GABRG3: variants seen among roughly 807,000 people sequenced by gnomAD.
GABRG3 encodes gamma-aminobutyric acid type A receptor subunit gamma3, also known as gamma-aminobutyric acid receptor subunit gamma-3.
GABRG3 carries 25 observed loss-of-function variants against 48.8 expected under a neutral mutation model. That is an observed-to-expected ratio of 0.51 (90% CI 0.37 to 0.72). The LOEUF is 0.72. GABRG3 is among the 30% of genes least tolerant of loss of function. The pLI is 0.00. For synonymous variants in GABRG3, 227 were observed against 217.6 expected (o/e 1.04, Z -0.38); for missense variants, 394 against 577.9 (o/e 0.68, Z 3.26).
intron 5 of GABRG3, among the ~76,000 whole-genome samples, chr15:27,388,302 AG>A (rs1896082246): frequency 2.7e-5 from 1 of 37,422 alleles, no homozygotes; most frequent in Non-Finnish European, 4.9e-5. Flanking sequence ...AAAAGAAGGA[AG>A]GAAAGGGAGG....
At position 27,482,498 on chromosome 15, in the gene GABRG3, G is replaced by C. The variant is rs564124282; in HGVS notation, c.712+1711G>C. Among the ~76,000 whole-genome samples the C allele has an allele frequency of 3.9e-5, 6 of 152,252 alleles. No individual in the cohort carries two copies. The South Asian group carries it at 1.2e-3, about 32-fold the overall frequency. ...TGATTGACATTTTCACAATGTGGAG[G>C]ATCACTCATGGGACTGTGTTGGCAT... On this transcript the variant is annotated intron_variant, in intron 6 of 9. Transcript: ENST00000615808.
At chr15:27,530,729 G>C in intron 9 of GABRG3, 1 of 470,956 alleles carries the variant, frequency 2.1e-6, no homozygotes, top group Non-Finnish European at 4.4e-6. Context: ...ATCTTCCTGT[G>C]TGGCTGCCTT....
chr15:27,520,444 G>A (rs960177179), intron 7 of GABRG3, among the ~76,000 whole-genome samples: 11 of 151,406 alleles, frequency 7.3e-5, no homozygotes, highest in Non-Finnish European at 1.3e-4. Flanking sequence ...GTCCCCATAC[G>A]TTAATGTCAG....
chr15:26,998,233 G>A (rs994623845), intron 2 of GABRG3, among the ~76,000 whole-genome samples: 23 of 152,054 alleles, frequency 1.5e-4, no homozygotes, highest in African/African-American at 3.4e-4. Flanking sequence ...ATCTAAGAGC[G>A]GCTTCTTGAT....
At chr15:27,376,281 G>A (rs1284990053) in intron 5 of GABRG3, among the ~76,000 whole-genome samples, 1 of 152,226 alleles carries the variant, frequency 6.6e-6, no homozygotes, top group East Asian at 1.9e-4. Context: ...TGCCTTCACA[G>A]GCTGGCATTG....
intron 3 of GABRG3, among the ~76,000 whole-genome samples, chr15:27,257,431 A>C (rs1325058802): frequency 6.6e-6 from 1 of 151,930 alleles, no homozygotes; most frequent in Non-Finnish European, 1.5e-5. Flanking sequence ...TTTTGGGATC[A>C]TTTTCAAAAA....
intron 3 of GABRG3, among the ~76,000 whole-genome samples, chr15:27,046,451 C>A (rs1896367391): frequency 6.6e-6 from 1 of 152,220 alleles, no homozygotes; most frequent in Admixed American, 6.5e-5. Context: ...TGTCCCCTGG[C>A]TCACTCCTGT....
chr15:27,439,850 G>T (rs568034102), intron 5 of GABRG3, among the ~76,000 whole-genome samples: 1 of 152,298 alleles, frequency 6.6e-6, no homozygotes, highest in East Asian at 1.9e-4. Context: ...GTCATTTAGG[G>T]GTAGACGGCA....
intron 3 of GABRG3, among the ~76,000 whole-genome samples, chr15:27,150,071 A>G (rs954716040): frequency 2.2e-4 from 34 of 152,212 alleles, no homozygotes; most frequent in South Asian, 2.1e-4. Flanking sequence ...AACTCAATTA[A>G]CTACCCCTTA....
At chr15:26,992,607 A>T (rs1895269212) in intron 2 of GABRG3, among the ~76,000 whole-genome samples, 1 of 152,048 alleles carries the variant, frequency 6.6e-6, no homozygotes, top group South Asian at 2.1e-4. Flanking sequence ...TTCATTGTTG[A>T]ATTCTGTTTG....
At chr15:27,161,190 C>G (rs1251058143) in intron 3 of GABRG3, 2 of 152,126 alleles carry the variant, frequency 1.3e-5, no homozygotes, top group African/African-American at 4.8e-5. Flanking sequence ...CAGAGTTTCC[C>G]CTGTCAAAAC....
At chr15:27,107,245 T>G (rs1312459018) in intron 3 of GABRG3, among the ~76,000 whole-genome samples, 2 of 152,054 alleles carry the variant, frequency 1.3e-5, no homozygotes, top group Non-Finnish European at 2.9e-5. Flanking sequence ...TATTTCTGGT[T>G]CCTTAAGGTG....
intron 5 of GABRG3, among the ~76,000 whole-genome samples, chr15:27,399,929 G>T (rs1281537886): frequency 6.6e-6 from 1 of 152,160 alleles, no homozygotes; most frequent in African/African-American, 2.4e-5. Flanking sequence ...TTGCTTGCTG[G>T]TGAAATATAA....
At chr15:27,307,729 A>G (rs1314618521) in intron 3 of GABRG3, among the ~76,000 whole-genome samples, 1 of 130,398 alleles carries the variant, frequency 7.7e-6, no homozygotes, top group Non-Finnish European at 1.6e-5. Context: ...TTATATATAA[A>G]TATATAATCA....
At chr15:27,044,822 C>A (rs951506081) in intron 3 of GABRG3, among the ~76,000 whole-genome samples, 1 of 152,176 alleles carries the variant, frequency 6.6e-6, no homozygotes, top group Non-Finnish European at 1.5e-5. Context: ...ACCAGTTGGC[C>A]GCCTGTGACT....
rs1395105192 is a variant in GABRG3 at position 26,976,860 on chromosome 15, T to C, written c.54-142T>C. The C allele has an allele frequency of 1.6e-5, 11 of 697,486 alleles. No individual in the cohort carries two copies. The East Asian group carries it at 2.7e-4, about 17-fold the overall frequency. 43.2% of individuals were successfully genotyped at this position (697,486 alleles called of 1,614,324 possible). A position where few individuals can be genotyped will look rare whatever the true frequency, so the allele number is the denominator to read the frequency against. On this transcript the variant is annotated intron_variant, in intron 1 of 9. Coordinates refer to ENST00000615808, the MANE Select transcript of GABRG3 (RefSeq NM_033223.5). The surrounding 1 kb of genome is among the most constrained non-coding windows in gnomAD (Gnocchi z 7.8). ...GTGTTTCTTTCTTTTTAGAAAATAT[T>C]TTCGGGTTTTCACGTGTGTGGTTGG...
At position 27,329,198 on chromosome 15, in the gene GABRG3, A is replaced by T. The variant is rs549465705; in HGVS notation, c.574+310A>T. 2.0e-5 allele frequency among the ~76,000 whole-genome samples: 3 copies of T among 152,374 alleles called. No homozygotes were observed. The East Asian group carries it at 5.8e-4, about 29-fold the overall frequency. On this transcript the variant is annotated intron_variant, in intron 5 of 9. Coordinates refer to ENST00000615808, the MANE Select transcript of GABRG3 (RefSeq NM_033223.5). ...TAATGAGCTGTGCATACTATTTGGA[A>T]GTATACAAAATTCCTATGTAATATT...
At position 27,192,723 on chromosome 15, in the gene GABRG3, G is replaced by A. The variant is rs181965957; in HGVS notation, c.271-134086G>A. ...ATCTGAAGCCTCCTTCTCTCAACTC[G>A]TCATTCTCCGTCCAGCTTTGTTCCA... On this transcript the variant is annotated intron_variant, in intron 3 of 9. Coordinates refer to ENST00000615808, the MANE Select transcript of GABRG3 (RefSeq NM_033223.5). 1.2e-3 allele frequency among the ~76,000 whole-genome samples: 181 copies of A among 152,234 alleles called. 1 individual carries two copies. The highest frequency in any genetic ancestry group is 4.1e-3 in the African/African-American group (171 of 41,546).
chr15:27,433,159 C>T (rs762238285), intron 5 of GABRG3, among the ~76,000 whole-genome samples: 1 of 152,202 alleles, frequency 6.6e-6, no homozygotes, highest in African/African-American at 2.4e-5. Context: ...CTTTTTCTAA[C>T]GTGGTCCTCA....
Sources: gnomAD v4.1 joint callset for allele counts (sites outside exome capture counted in the v4.1 genomes callset) on GRCh38, gnomAD v4.1.1 for gene constraint, Gnocchi (gnomAD v3.1) non-coding constraint, MANE v1.5 for transcripts, NCBI Gene and HGNC (gene_info 2026-07-23, HGNC 2026-07-21) for gene names.